Variants in SDK1 observed in about 807,000 individuals in gnomAD.
SDK1 encodes protein sidekick-1.
In SDK1, 157 loss-of-function variants were observed where a neutral mutation model predicts 245.5. That is an observed-to-expected ratio of 0.64 (90% confidence interval 0.56 to 0.73). The LOEUF is 0.73. Ranked by LOEUF, SDK1 falls within the 30% of genes least tolerant of loss-of-function variation. The pLI is 0.00. For missense variants in SDK1, 3,583 were observed against 3,002.3 expected (o/e 1.19, Z -4.52); for synonymous variants, 1,647 against 1,278.5 (o/e 1.29, Z -6.15).
intron 5 of SDK1, among the ~76,000 whole-genome samples, chr7:3,878,569 A>G (rs1781128531): frequency 6.6e-6 from 1 of 152,234 alleles, no homozygotes; most frequent in Non-Finnish European, 1.5e-5. Context: ...TTTTAACCAC[A>G]AACGAAGTTC....
intron 26 of SDK1, among the ~76,000 whole-genome samples, chr7:4,128,157 A>C (rs960482081): frequency 6.6e-6 from 1 of 152,122 alleles, no homozygotes; most frequent in Non-Finnish European, 1.5e-5. Context: ...AGCAATGCCA[A>C]GCATCAGAAT....
Position 4,268,575 on chromosome 7 carries a change from T to C in SDK1, c.*3191T>C, listed in dbSNP as rs1583214603. On this transcript the variant is annotated 3_prime_UTR_variant, in exon 45 of 45. Transcript: ENST00000404826. ...GGAGGTGGCTCACTCTGTACAGGTC[T>C]TCGGAGGCCGTGTTTGTATCTAACT... 2 of 1,346,924 alleles carry C rather than the reference T, an allele frequency of 1.5e-6. No individual in the cohort carries two copies. The highest frequency in any genetic ancestry group is 9.1e-5 in the East Asian group (2 of 21,870). The allele number at this position is 1,346,924 out of a possible 1,614,324, so 83.4% of individuals were successfully genotyped here. A position where few individuals can be genotyped will look rare whatever the true frequency, so the allele number is the denominator to read the frequency against.
chr7:4,175,238 A>G (rs1238474009), intron 33 of SDK1, among the ~76,000 whole-genome samples: 3 of 152,186 alleles, frequency 2.0e-5, no homozygotes, highest in Non-Finnish European at 2.9e-5. Context: ...TGGTGTCTGC[A>G]CTGTTGGCAC....
intron 1 of SDK1, among the ~76,000 whole-genome samples, chr7:3,493,617 A>C (rs1332300317): frequency 2.0e-5 from 3 of 152,200 alleles, no homozygotes; most frequent in Non-Finnish European, 4.4e-5. Context: ...GAATTATAGA[A>C]AAGAATGTTA....
rs189270129 is a variant in SDK1, at chr7:4,008,760, A to G, written c.2132-2206A>G. The stretch of plus-strand genomic sequence containing the variant: ...CAGGGGGAAGGGTACTATAAATTAA[A>G]GAATAAAAGATTGATTGGGTTCTTT... On this transcript the variant is annotated intron_variant, in intron 14 of 44. Transcript: ENST00000404826. Among the ~76,000 whole-genome samples, 10 of 152,376 alleles carry G rather than the reference A, an allele frequency of 6.6e-5. No homozygotes were observed. The East Asian group carries it at 1.9e-3, about 29-fold the overall frequency.
chr7:3,435,285 C>T (rs1034329724), intron 1 of SDK1, among the ~76,000 whole-genome samples: 2 of 146,068 alleles, frequency 1.4e-5, no homozygotes, highest in African/African-American at 5.2e-5. Flanking sequence ...TCACCAAATC[C>T]ACCTATTTTG....
At chr7:3,989,217 T>C (rs529898321) in intron 14 of SDK1, among the ~76,000 whole-genome samples, 2 of 152,284 alleles carry the variant, frequency 1.3e-5, no homozygotes, top group East Asian at 1.9e-4. Context: ...TAGGAAAGCC[T>C]CACAATCATG....
intron 1 of SDK1, among the ~76,000 whole-genome samples, chr7:3,592,497 C>G (rs1481750204): frequency 2.0e-5 from 3 of 152,210 alleles, no homozygotes; most frequent in Non-Finnish European, 4.4e-5. Flanking sequence ...ACCTCCTCGT[C>G]ATTCTTGCGA....
chr7:3,403,863 ATATAT>A (rs1778974777), intron 1 of SDK1, among the ~76,000 whole-genome samples: 5 of 99,984 alleles, frequency 5.0e-5, no homozygotes, highest in East Asian at 5.5e-4. Flanking sequence ...ATATATATAT[ATATAT>A]AATATATATA....
chr7:4,056,600 C>T (rs1365958795), intron 19 of SDK1, among the ~76,000 whole-genome samples: 1 of 152,108 alleles, frequency 6.6e-6, no homozygotes. Context: ...GGTCCACATT[C>T]CCACCACAGA....
At chr7:3,540,063 T>C (rs1013660733) in intron 1 of SDK1, among the ~76,000 whole-genome samples, 2 of 152,248 alleles carry the variant, frequency 1.3e-5, no homozygotes, top group African/African-American at 4.8e-5. Flanking sequence ...AACACATATG[T>C]GGATCACATT....
chr7:3,712,433 A>G (rs1785075585), intron 4 of SDK1, among the ~76,000 whole-genome samples: 1 of 152,226 alleles, frequency 6.6e-6, no homozygotes, highest in African/African-American at 2.4e-5. Context: ...GGTGAGTTGT[A>G]TAACGATTTC....
intron 1 of SDK1, among the ~76,000 whole-genome samples, chr7:3,464,555 A>G (rs539960386): frequency 6.6e-6 from 1 of 152,274 alleles, no homozygotes; most frequent in South Asian, 2.1e-4. Flanking sequence ...AACACTTGAA[A>G]TGCCTTTCAT....
At chr7:3,874,113 G>T (rs573011843) in intron 5 of SDK1, among the ~76,000 whole-genome samples, 80 of 152,200 alleles carry the variant, frequency 5.3e-4, no homozygotes, top group Non-Finnish European at 6.2e-4. Flanking sequence ...CTTTCCACTG[G>T]GCCATTAATA....
chr7:3,472,755 C>T (rs867467420), intron 1 of SDK1, among the ~76,000 whole-genome samples: 3 of 152,294 alleles, frequency 2.0e-5, no homozygotes, highest in Admixed American at 6.5e-5. Flanking sequence ...AGGCCAGTGA[C>T]GTCCTGGAGT....
Position 4,266,763 on chromosome 7 carries a change from G to A in SDK1, c.*1379G>A, listed in dbSNP as rs1788495847. The A allele has an allele frequency of 2.0e-6, 2 of 985,476 alleles. No individual in the cohort carries two copies. The highest frequency in any genetic ancestry group is 2.4e-6 in the Non-Finnish European group (2 of 829,960). 61.0% of individuals were successfully genotyped at this position (985,476 alleles called of 1,614,324 possible). Reference sequence around the variant, plus strand: ...CGGGTCCCGGGTCTGGATGGAACGGGAGCACTGCTGGTGCCCACTGGCGTG... The same window carrying A: ...CGGGTCCCGGGTCTGGATGGAACGGAAGCACTGCTGGTGCCCACTGGCGTG... On this transcript the variant is annotated 3_prime_UTR_variant, in exon 45 of 45. Transcript: ENST00000404826.
intron 1 of SDK1, among the ~76,000 whole-genome samples, chr7:3,403,560 G>T (rs908367654): frequency 1.1e-4 from 16 of 151,642 alleles, no homozygotes; most frequent in African/African-American, 1.7e-4. Flanking sequence ...AAGTTTATTT[G>T]CACCTATGAG....
chr7:3,678,557 A>T (rs2114980432), intron 4 of SDK1, among the ~76,000 whole-genome samples: 1 of 152,384 alleles, frequency 6.6e-6, no homozygotes, highest in East Asian at 1.9e-4. Flanking sequence ...GGTTTCACTT[A>T]CATGAGGTCT....
At chr7:3,640,782 C>G (rs916138606) in intron 3 of SDK1, among the ~76,000 whole-genome samples, 3 of 151,958 alleles carry the variant, frequency 2.0e-5, no homozygotes, top group African/African-American at 7.3e-5. Context: ...CTCCTAGGTT[C>G]AAGTGATTCT....
Sources: allele counts gnomAD v4.1 joint callset (sites outside exome capture counted in the v4.1 genomes callset), GRCh38; gene constraint gnomAD v4.1.1; transcripts MANE v1.5; gene names NCBI Gene and HGNC (gene_info 2026-07-23, HGNC 2026-07-21).